PPIC: variants seen among roughly 807,000 people sequenced by gnomAD.
PPIC encodes the protein peptidyl-prolyl cis-trans isomerase C.
PPIC carries 19 observed loss-of-function variants against 19.5 expected under a neutral mutation model. The observed-to-expected ratio is 0.98, with a 90% CI of 0.68 to 1.43. The LOEUF (loss-of-function observed/expected upper bound fraction) is 1.43, where lower values mean the gene tolerates loss of function less well. Ranked by LOEUF, PPIC falls within the 40% of genes most tolerant of loss-of-function variation. PPIC has a pLI of 0.00. For synonymous variants in PPIC, 107 were observed against 101.2 expected (o/e 1.06, Z -0.34); for missense variants, 268 against 268.6 (o/e 1.00, Z 0.02).
rs771781452 is a variant in PPIC, at chr5:123,036,476, C to T, written c.117+33G>A. 1.3e-6 allele frequency: 2 copies of T among 1,577,184 alleles called. No homozygotes were observed. Among genetic ancestry groups the T allele is most frequent in the East Asian group, 2.3e-5 (1 of 44,360 alleles). ...AGCGCCCCCAGGGCCCCGCCCGCAA[C>T]AGGGGAAGTTGCAGCCCGCCGCTCT... On this transcript the variant is annotated intron_variant, in intron 1 of 4. Transcript: ENST00000306442. The surrounding 1 kb of genome is among the most constrained non-coding windows in gnomAD (Gnocchi z 4.5).
chr5:123,025,133 C>T (rs1202790056), intron 4 of PPIC, among the ~76,000 whole-genome samples: 1 of 152,142 alleles, frequency 6.6e-6, no homozygotes, highest in Non-Finnish European at 1.5e-5. Flanking sequence ...TTGTTTTCAA[C>T]TATTTTATTT....
chr5:123,027,640 C>T (rs1310464138), intron 3 of PPIC, among the ~76,000 whole-genome samples: 18 of 152,288 alleles, frequency 1.2e-4, no homozygotes, highest in South Asian at 8.3e-4. Flanking sequence ...GTAATCTTCA[C>T]AAAGTGCCTG....
Position 123,036,700 on chromosome 5 carries a change from CG to C in PPIC, c.-76del. On this transcript the variant is annotated 5_prime_UTR_variant, in exon 1 of 5. Coordinates refer to ENST00000306442, the MANE Select transcript of PPIC (RefSeq NM_000943.5). This position sits in a 1 kb window ranked among gnomAD's most constrained non-coding sequence, Gnocchi z 4.5. ...GCGACACAGGCTCTGGGACAGCTGA[CG>C]GGACTGCCGGCCGGCTGCGCCTGCG... 7.6e-7 allele frequency: 1 copy of C among 1,314,538 alleles called. No homozygotes were observed. Among genetic ancestry groups the C allele is most frequent in the Non-Finnish European group, 1.0e-6 (1 of 955,650 alleles). 81.4% of individuals were successfully genotyped at this position (1,314,538 alleles called of 1,614,324 possible).
In PPIC at chr5:123,023,806, C is replaced by A. The variant is rs1762801964; in HGVS notation, c.*69G>T. On this transcript the variant is annotated 3_prime_UTR_variant, in exon 5 of 5. Coordinates refer to ENST00000306442, the MANE Select transcript of PPIC (RefSeq NM_000943.5). ...AAAAGCAAATAATTGAAAGACAACA[C>A]AACACACACACACACACACACACAC... 1 of 1,146,860 alleles carries A rather than the reference C, an allele frequency of 8.7e-7. No homozygotes were observed. The allele number at this position is 1,146,860 out of a possible 1,614,324, so 71.0% of individuals were successfully genotyped here.
intron 1 of PPIC, among the ~76,000 whole-genome samples, chr5:123,030,703 A>G (rs762614255): frequency 2.0e-5 from 3 of 152,184 alleles, no homozygotes; most frequent in Non-Finnish European, 2.9e-5. Flanking sequence ...AAGGAGTGCA[A>G]TTCAGCATGG....
chr5:123,023,280 T>G lies in PPIC; in HGVS notation c.*595A>C, dbSNP rs746832553. On this transcript the variant is annotated 3_prime_UTR_variant, in exon 5 of 5. Coordinates refer to ENST00000306442, the MANE Select transcript of PPIC (RefSeq NM_000943.5). ...TTATCTAATTATGTTTGTAGTTTGATTTATAAAATCTTTCTAATCTGTTCA... is the reference window on the plus strand; with the variant it reads ...TTATCTAATTATGTTTGTAGTTTGAGTTATAAAATCTTTCTAATCTGTTCA... The G allele has an allele frequency of 6.6e-6, 1 of 152,276 alleles. No individual in the cohort carries two copies. The highest frequency in any genetic ancestry group is 6.5e-5 in the Admixed American group (1 of 15,284). 9.4% of individuals were successfully genotyped at this position (152,276 alleles called of 1,614,324 possible).
At chr5:123,024,097 G>A in intron 4 of PPIC, 94 bp from the exon 5 acceptor site, 1 of 1,464,518 alleles carries the variant, frequency 6.8e-7, no homozygotes, top group Admixed American at 2.2e-5. Flanking sequence ...AGCCCAAGTG[G>A]GAAGGAAATA....
In PPIC at chr5:123,036,670, C is replaced by G; in HGVS notation, c.-45G>C. ...GCTACCGGCACGGGCGCTACCGGCA[C>G]GGGCGCGACACAGGCTCTGGGACAG... On this transcript the variant is annotated 5_prime_UTR_variant, in exon 1 of 5. Transcript: ENST00000306442. The surrounding 1 kb of genome is among the most constrained non-coding windows in gnomAD (Gnocchi z 4.5). 6.7e-7 allele frequency: 1 copy of G among 1,499,304 alleles called. No homozygotes were observed. Among genetic ancestry groups the G allele is most frequent in the African/African-American group, 1.4e-5 (1 of 72,096 alleles). 92.9% of individuals were successfully genotyped at this position (1,499,304 alleles called of 1,614,324 possible).
intron 1 of PPIC, among the ~76,000 whole-genome samples, chr5:123,031,087 A>G (rs1467647772): frequency 3.3e-5 from 5 of 152,164 alleles, no homozygotes; most frequent in Admixed American, 3.3e-4. Flanking sequence ...TTTTTCCCCA[A>G]ATTGAAATAT....
Position 123,029,703 on chromosome 5 carries a change from A to G in PPIC, c.118-285T>C, listed in dbSNP as rs45512499. Reference sequence around the variant, plus strand: ...GACTCAACTCTGTCAGTGTTGGCCAATGAAGTCTTCAATAATTCTTCTCTT... The same window carrying G: ...GACTCAACTCTGTCAGTGTTGGCCAGTGAAGTCTTCAATAATTCTTCTCTT... On this transcript the variant is annotated intron_variant, in intron 1 of 4. Coordinates refer to ENST00000306442, the MANE Select transcript of PPIC (RefSeq NM_000943.5). Among the ~76,000 whole-genome samples, 163 of 152,272 alleles carry G rather than the reference A, an allele frequency of 1.1e-3. 1 individual carries two copies. Among genetic ancestry groups the G allele is most frequent in the African/African-American group, 3.6e-3 (148 of 41,558 alleles).
intron 3 of PPIC, 52 bp from the exon 4 acceptor site, chr5:123,026,020 T>C: frequency 6.7e-7 from 1 of 1,487,638 alleles, no homozygotes; most frequent in South Asian, 1.3e-5. Flanking sequence ...AAGTCAGCTC[T>C]TCAAAGGGAA....
In PPIC at chr5:123,029,317, T is replaced by C. The variant is rs141808369; in HGVS notation, c.219A>G (p.Leu73=). ...VPKTVENFVA[L]ATGEKGYGYK... ...AATTGAGACATACCTCTCCTGTTGC[T>C]AGAGCAACAAAATTTTCCACTGTCT... Residue 73 remains leucine (L), a synonymous_variant, in exon 2 of 5, where the codon CTA becomes CTG. Coordinates refer to ENST00000306442, the MANE Select transcript of PPIC (RefSeq NM_000943.5). The C allele has an allele frequency of 1.2e-6, 2 of 1,614,040 alleles. No individual in the cohort carries two copies. Among genetic ancestry groups the C allele is most frequent in the Non-Finnish European group, 1.7e-6 (2 of 1,179,936 alleles).
chr5:123,033,304 G>C (rs1762965782), intron 1 of PPIC, among the ~76,000 whole-genome samples: 1 of 152,196 alleles, frequency 6.6e-6, no homozygotes, highest in African/African-American at 2.4e-5. Context: ...CCTAATGTTG[G>C]AGGTGGGGCC....
chr5:123,033,065 A>C (rs1253476155), intron 1 of PPIC, among the ~76,000 whole-genome samples: 2 of 152,216 alleles, frequency 1.3e-5, no homozygotes, highest in Non-Finnish European at 2.9e-5. Context: ...ATGTGGAAGA[A>C]ACTGTTCTCA....
chr5:123,030,073 G>T (rs1174311458), intron 1 of PPIC, among the ~76,000 whole-genome samples: 1 of 152,168 alleles, frequency 6.6e-6, no homozygotes, highest in African/African-American at 2.4e-5. Flanking sequence ...GGGTCATCAC[G>T]CTGACAAAGC....
rs958119802 is a variant in PPIC at position 123,028,813 on chromosome 5, A to T, written c.287T>A (p.Ile96Asn). Residue 96 changes from isoleucine to asparagine, a missense_variant, in exon 3 of 5, where the codon ATT (isoleucine) becomes AAT (asparagine). Coordinates refer to ENST00000306442, the MANE Select transcript of PPIC (RefSeq NM_000943.5). ...KFHRVIKDFM[I>N]QGGDITTGDG... ...TCCAGTGGTGATGTCACCTCCTTGA[A>T]TCATGAAATCCTTGATGACACGATG... The T allele has an allele frequency of 6.2e-7, 1 of 1,613,900 alleles. No homozygotes were observed. The highest frequency in any genetic ancestry group is 1.3e-5 in the African/African-American group (1 of 75,034).
At chr5:123,034,423 C>G (rs1262838007) in intron 1 of PPIC, among the ~76,000 whole-genome samples, 1 of 152,098 alleles carries the variant, frequency 6.6e-6, no homozygotes, top group East Asian at 1.9e-4. Context: ...TGCTCAAACC[C>G]TTCCCCTCCT....
intron 1 of PPIC, among the ~76,000 whole-genome samples, chr5:123,035,633 C>T (rs1426206192): frequency 1.3e-5 from 2 of 152,170 alleles, no homozygotes; most frequent in Non-Finnish European, 2.9e-5. Context: ...AGCTGCAGCC[C>T]GCCCCCTCCA....
intron 3 of PPIC, among the ~76,000 whole-genome samples, chr5:123,028,299 AAT>A (rs1171397006): frequency 6.6e-6 from 1 of 152,174 alleles, no homozygotes; most frequent in African/African-American, 2.4e-5. Flanking sequence ...CTGTTTTGTC[AAT>A]ATGATGAAAG....
Sources: allele counts gnomAD v4.1 joint callset (sites outside exome capture counted in the v4.1 genomes callset), GRCh38; gene constraint gnomAD v4.1.1; non-coding constraint Gnocchi (gnomAD v3.1); transcripts MANE v1.5; gene names NCBI Gene and HGNC (gene_info 2026-07-23, HGNC 2026-07-21).